The following BEND7 variants were observed in gnomAD, a reference collection of about 807,000 sequenced individuals.
The protein encoded by BEND7 is BEN domain-containing protein 7.
Under a neutral mutation model 50.9 loss-of-function variants are expected in BEND7, and 28 were observed. The observed-to-expected ratio is 0.55, with a 90% CI of 0.41 to 0.75. BEND7 has a LOEUF of 0.75. Among genes scored for constraint, BEND7 ranks in the 30% least tolerant of loss-of-function variants. The probability of loss-of-function intolerance (pLI) is 0.00; values close to 1 mark genes in which losing one functional copy is unlikely to be tolerated. For missense variants in BEND7, 477 were observed against 491.3 expected (o/e 0.97, Z 0.28); for synonymous variants, 170 against 183.9 (o/e 0.92, Z 0.61).
intron 2 of BEND7, among the ~76,000 whole-genome samples, chr10:13,512,954 T>G (rs1165951030): frequency 6.6e-6 from 1 of 152,114 alleles, no homozygotes; most frequent in Non-Finnish European, 1.5e-5. Flanking sequence ...TAAATCAGTG[T>G]CTTCCAAACT....
intron 2 of BEND7, among the ~76,000 whole-genome samples, chr10:13,501,607 G>C (rs1206813274): frequency 6.6e-6 from 1 of 152,032 alleles, no homozygotes; most frequent in Admixed American, 6.5e-5. Flanking sequence ...AGCCCTTCGG[G>C]AGGCTGAGAT....
chr10:13,524,135 G>T (rs1478955178), intron 2 of BEND7, among the ~76,000 whole-genome samples: 1 of 152,180 alleles, frequency 6.6e-6, no homozygotes, highest in East Asian at 1.9e-4. Flanking sequence ...TTGCTCTTCA[G>T]CTTCCCCTCT....
intron 6 of BEND7, among the ~76,000 whole-genome samples, chr10:13,475,788 T>G (rs1260234889): frequency 6.6e-6 from 1 of 152,186 alleles, no homozygotes; most frequent in Middle Eastern, 3.2e-3. Context: ...AAGACTGAAG[T>G]GTTTAGTGTG....
intron 7 of BEND7, among the ~76,000 whole-genome samples, chr10:13,452,193 G>A (rs193232747): frequency 1.4e-4 from 21 of 152,218 alleles, no homozygotes; most frequent in South Asian, 2.1e-4. Context: ...CTTTTATAAA[G>A]TCATGCAGAT....
chr10:13,500,983 T>C, intron 2 of BEND7: 1 of 279,666 alleles, frequency 3.6e-6, no homozygotes, highest in Non-Finnish European at 5.4e-6. Flanking sequence ...TTAAGATTTT[T>C]CTCCCGTCTC....
intron 7 of BEND7, among the ~76,000 whole-genome samples, chr10:13,448,563 C>A (rs537133698): frequency 5.1e-4 from 78 of 152,330 alleles, no homozygotes; most frequent in African/African-American, 1.8e-3. Context: ...CTGTCTCCTT[C>A]ATCCTCCAAC....
intron 6 of BEND7, among the ~76,000 whole-genome samples, chr10:13,463,574 A>G (rs992451653): frequency 6.6e-6 from 1 of 152,232 alleles, no homozygotes; most frequent in African/African-American, 2.4e-5. Flanking sequence ...TCTACCTCAC[A>G]TTTAGGTAAA....
intron 5 of BEND7, 27 bp downstream of exon 5, chr10:13,492,584 G>C (rs2076740050): frequency 6.2e-7 from 1 of 1,612,270 alleles, no homozygotes; most frequent in African/African-American, 1.3e-5. Flanking sequence ...TAGCATTAGA[G>C]TCAGCAGCCA....
chr10:13,506,586 G>A lies in BEND7; in HGVS notation c.146-6506C>T, dbSNP rs188655068. Among the ~76,000 whole-genome samples, 284 of 152,268 alleles carry A rather than the reference G, an allele frequency of 1.9e-3. 1 individual carries two copies. Among genetic ancestry groups the A allele is most frequent in the African/African-American group, 6.6e-3 (276 of 41,532 alleles). The stretch of plus-strand genomic sequence containing the variant: ...TATCACTGGGTAACTTAAGATTCAG[G>A]TCTCTTTTCATATAAGGATAGTAAA... On this transcript the variant is annotated intron_variant, in intron 2 of 8. Transcript: ENST00000466271.
At chr10:13,465,467 G>A (rs886225782) in intron 6 of BEND7, among the ~76,000 whole-genome samples, 4 of 152,186 alleles carry the variant, frequency 2.6e-5, no homozygotes, top group Admixed American at 6.5e-5. Flanking sequence ...AAAGCTGGCC[G>A]TGAGGACCAT....
chr10:13,479,576 C>T (rs1233055571), intron 6 of BEND7, among the ~76,000 whole-genome samples: 3 of 152,208 alleles, frequency 2.0e-5, no homozygotes, highest in Non-Finnish European at 4.4e-5. Context: ...CCTTGACCTT[C>T]TTGTTTTGAG....
At chr10:13,458,945 A>C (rs1839619703) in intron 6 of BEND7, among the ~76,000 whole-genome samples, 1 of 152,238 alleles carries the variant, frequency 6.6e-6, no homozygotes, top group South Asian at 2.1e-4. Context: ...ATCTCGCAAC[A>C]ACCAGCAGGG....
rs1358302619 is a variant in BEND7 at position 13,487,490 on chromosome 10, GATTC to G, written c.837+5117_837+5120del. ...CAACCTCTGCCTCCCAGGTTCAAGC[GATTC>G]TCCTGTCTCAGCCTCCTGAGTAGCT... On this transcript the variant is annotated intron_variant, in intron 5 of 8. Coordinates refer to ENST00000466271, the MANE Select transcript of BEND7 (RefSeq NM_001369863.1). Among the ~76,000 whole-genome samples, 8 of 150,832 alleles carry G rather than the reference GATTC, an allele frequency of 5.3e-5. No homozygotes were observed. In the South Asian group the frequency reaches 1.5e-3, roughly 28 times the overall value.
intron 2 of BEND7, among the ~76,000 whole-genome samples, chr10:13,524,729 G>A (rs1340190472): frequency 6.6e-6 from 1 of 151,014 alleles, no homozygotes; most frequent in African/African-American, 2.4e-5. Context: ...TTCTCTTTCT[G>A]GGCCACAGCA....
intron 6 of BEND7, among the ~76,000 whole-genome samples, chr10:13,469,447 C>T (rs988203588): frequency 1.3e-5 from 2 of 152,154 alleles, no homozygotes; most frequent in African/African-American, 4.8e-5. Flanking sequence ...AAATCGATTA[C>T]AGCTTTCCGT....
chr10:13,443,367 T>C (rs990223842), intron 8 of BEND7: 1 of 152,696 alleles, frequency 6.5e-6, no homozygotes, highest in Admixed American at 6.5e-5. Flanking sequence ...TGGTTCTGTG[T>C]CCTCCGTGTT....
At chr10:13,466,468 A>T (rs2074260756) in intron 6 of BEND7, among the ~76,000 whole-genome samples, 1 of 152,082 alleles carries the variant, frequency 6.6e-6, no homozygotes, top group Admixed American at 6.5e-5. Flanking sequence ...CTGAGACATG[A>T]GAATTGCTTG....
intron 6 of BEND7, among the ~76,000 whole-genome samples, chr10:13,475,791 T>C (rs1391500931): frequency 1.3e-5 from 2 of 152,208 alleles, no homozygotes; most frequent in African/African-American, 4.8e-5. Context: ...ACTGAAGTGT[T>C]TAGTGTGCTG....
At position 13,486,169 on chromosome 10, in the gene BEND7, C is replaced by T. The variant is rs865961685; in HGVS notation, c.838-5045G>A. Among the ~76,000 whole-genome samples the T allele has an allele frequency of 2.6e-5, 4 of 152,216 alleles. 1 individual carries two copies. The highest frequency in any genetic ancestry group is 3.2e-3 in the Middle Eastern group (1 of 316). ...GCTGAGATTACAGGCATGTGCTACC[C>T]TGCCCAGCAAATTTTTAAAATGTAT... On this transcript the variant is annotated intron_variant, in intron 5 of 8. Coordinates refer to ENST00000466271, the MANE Select transcript of BEND7 (RefSeq NM_001369863.1).
Sources: gnomAD v4.1 joint callset for allele counts (sites outside exome capture counted in the v4.1 genomes callset) on GRCh38, gnomAD v4.1.1 for gene constraint, MANE v1.5 for transcripts, NCBI Gene and HGNC (gene_info 2026-07-23, HGNC 2026-07-21) for gene names.